Variants in CRABP1 observed in about 807,000 individuals in gnomAD.
CRABP1 encodes cellular retinoic acid binding protein 1, also known as cellular retinoic acid-binding protein 1.
In CRABP1, 9 loss-of-function variants were observed where a neutral mutation model predicts 16.4. The ratio of observed to expected loss-of-function variants is 0.55; its 90% CI spans 0.33 to 0.96. CRABP1 has a LOEUF of 0.96. Ranked by LOEUF, CRABP1 falls within the 40% of genes least tolerant of loss-of-function variation. CRABP1 has a pLI of 0.03. For missense variants in CRABP1, 157 were observed against 186.0 expected (o/e 0.84, Z 0.91); for synonymous variants, 72 against 70.4 (o/e 1.02, Z -0.11).
intron 3 of CRABP1, among the ~76,000 whole-genome samples, chr15:78,344,456 T>TA (rs11364387): frequency 6.1e-5 from 9 of 148,320 alleles, no homozygotes; most frequent in African/African-American, 1.2e-4. Flanking sequence ...ACTCTGTCTC[T>TA]AAAAAAAAAA....
chr15:78,340,495 C>T lies in CRABP1; in HGVS notation c.67C>T (p.Leu23=), dbSNP rs770944935. ...SENFDELLKA[L]GVNAMLRKVA... is the part of the protein sequence containing the mutation. ...GAATTTCGACGAGCTGCTCAAGGCA[C>T]TGGGTAAGCTGGTGCAGAGGGCGCG... is the stretch of plus-strand genomic sequence containing the variant. Residue 23 remains leucine (L), a synonymous_variant, in exon 1 of 4, where the codon CTG becomes TTG. Coordinates refer to ENST00000299529, the MANE Select transcript of CRABP1 (RefSeq NM_004378.3). 7.5e-6 allele frequency: 12 copies of T among 1,606,990 alleles called. No individual in the cohort carries two copies. The African/African-American group carries it at 1.6e-4, about 22-fold the overall frequency.
intron 3 of CRABP1, among the ~76,000 whole-genome samples, chr15:78,345,541 C>G (rs1319483043): frequency 6.6e-6 from 1 of 152,114 alleles, no homozygotes; most frequent in East Asian, 1.9e-4. Flanking sequence ...TAGAATGTAG[C>G]TGAGGGTTCA....
rs550221322 is a variant in CRABP1 at position 78,342,000 on chromosome 15, A to AT, written c.249+791dup. On this transcript the variant is annotated intron_variant, in intron 2 of 3. Transcript: ENST00000299529. The surrounding 1 kb of genome is among the most constrained non-coding windows in gnomAD (Gnocchi z 5.3). ...CAGAATGTCTCCCTCCCCTTCTCCA[A>AT]TTTTTTTTTTTTAAAGAAAAAAGTC... Among the ~76,000 whole-genome samples the AT allele has an allele frequency of 6.9e-3, 1,020 of 146,924 alleles. 4 individuals carry two copies. The highest frequency in any genetic ancestry group is 0.014 in the Middle Eastern group (4 of 288).
chr15:78,345,403 G>A (rs2050259653), intron 3 of CRABP1, among the ~76,000 whole-genome samples: 1 of 152,102 alleles, frequency 6.6e-6, no homozygotes, highest in Non-Finnish European at 1.5e-5. Context: ...GGTTAATATT[G>A]TTTCCAGGGA....
intron 3 of CRABP1, among the ~76,000 whole-genome samples, chr15:78,345,479 G>A (rs78881974): frequency 0.015 from 2,261 of 152,244 alleles, 57 homozygotes; most frequent in African/African-American, 0.052. Context: ...GAGAAAAGGC[G>A]TATATGGTTT....
chr15:78,345,773 T>G (rs2050261882), intron 3 of CRABP1, among the ~76,000 whole-genome samples: 1 of 152,192 alleles, frequency 6.6e-6, no homozygotes, highest in South Asian at 2.1e-4. Flanking sequence ...GGATCTGAAA[T>G]GTGGGCTTTT....
chr15:78,345,429 G>A (rs1335556801), intron 3 of CRABP1, among the ~76,000 whole-genome samples: 1 of 152,160 alleles, frequency 6.6e-6, no homozygotes, highest in Non-Finnish European at 1.5e-5. Flanking sequence ...TACTTGCTGG[G>A]CTTGGGGGAG....
Position 78,348,141 on chromosome 15 carries a change from C to A in CRABP1, c.*164C>A. 1.5e-6 allele frequency: 1 copy of A among 646,668 alleles called. No homozygotes were observed. Among genetic ancestry groups the A allele is most frequent in the Non-Finnish European group, 2.7e-6 (1 of 372,954 alleles). The allele number at this position is 646,668 out of a possible 1,614,324, so 40.1% of individuals were successfully genotyped here. On this transcript the variant is annotated 3_prime_UTR_variant, in exon 4 of 4. Coordinates refer to ENST00000299529, the MANE Select transcript of CRABP1 (RefSeq NM_004378.3). ...GTGTCCCCCACCCCCACCCCCCAGG[C>A]CTTGGTGCCTCTTGTATCCCTAGTG...
intron 3 of CRABP1, 43 bp downstream of exon 3, chr15:78,343,655 G>A: frequency 6.4e-7 from 1 of 1,551,590 alleles, no homozygotes; most frequent in Non-Finnish European, 8.9e-7. Flanking sequence ...AGTTCCCCCA[G>A]AGGGGGCCCC....
chr15:78,346,465 G>A (rs1176250674), intron 3 of CRABP1, among the ~76,000 whole-genome samples: 2 of 152,206 alleles, frequency 1.3e-5, no homozygotes, highest in East Asian at 1.9e-4. Context: ...TCAGGAGTTC[G>A]AGACCAGCCT....
chr15:78,345,806 A>G lies in CRABP1; in HGVS notation c.364-2121A>G, dbSNP rs575906676. 2.5e-3 allele frequency among the ~76,000 whole-genome samples: 382 copies of G among 152,346 alleles called. 1 individual carries two copies. Among genetic ancestry groups the G allele is most frequent in the Non-Finnish European group, 3.8e-3 (258 of 68,032 alleles). ...TTTGTTTCAAGGGTTATTATCATTAATAAATCTAAAACGCAGAGAGATGCA... is the reference window on the plus strand; with the variant it reads ...TTTGTTTCAAGGGTTATTATCATTAGTAAATCTAAAACGCAGAGAGATGCA... On this transcript the variant is annotated intron_variant, in intron 3 of 3. Coordinates refer to ENST00000299529, the MANE Select transcript of CRABP1 (RefSeq NM_004378.3).
At position 78,343,570 on chromosome 15, in the gene CRABP1, A is replaced by C; in HGVS notation, c.321A>C (p.Lys107Asn). The change falls in exon 3 of 4, where the codon AAA becomes AAC. Residue 107 changes from lysine to asparagine, a missense_variant. Transcript: ENST00000299529. ...CTCTTCTTGAAGGGGACGGCCCCAA[A>C]ACCTACTGGACCCGTGAGCTGGCCA... is the stretch of plus-strand genomic sequence containing the variant. ...TQTLLEGDGP[K>N]TYWTRELAND... 6.2e-7 allele frequency: 1 copy of C among 1,614,182 alleles called. No individual in the cohort carries two copies. Among genetic ancestry groups the C allele is most frequent in the Non-Finnish European group, 8.5e-7 (1 of 1,180,030 alleles).
In CRABP1 at chr15:78,340,542, C is replaced by G. The variant is rs753446807; in HGVS notation, c.70+44C>G. On this transcript the variant is annotated intron_variant, in intron 1 of 3. Transcript: ENST00000299529. ...CGCGCCCCGACGGGGAGATGCGGCC[C>G]GGAGGTGCCCTGGTCCCGGAAGTGC... The G allele has an allele frequency of 6.9e-6, 11 of 1,585,398 alleles. No homozygotes were observed. In the Admixed American group the frequency reaches 8.7e-5, roughly 13 times the overall value.
chr15:78,342,799 T>G (rs1468031559), intron 2 of CRABP1, among the ~76,000 whole-genome samples: 1 of 152,196 alleles, frequency 6.6e-6, no homozygotes, highest in African/African-American at 2.4e-5. Context: ...GTGCTCCTGA[T>G]AGGCTGATGA....
intron 1 of CRABP1, 124 bp downstream of exon 1, chr15:78,340,622 G>GTCCCCGCTCGGTGCCCATGGCCCACT: frequency 9.1e-7 from 1 of 1,103,000 alleles, no homozygotes; most frequent in Non-Finnish European, 1.3e-6. Flanking sequence ...GAGTCCCCGG[G>GTCCCCGCTCGGTGCCCATGGCCCACT]GCAATAGATC....
intron 3 of CRABP1, 91 bp from the exon 4 acceptor site, chr15:78,347,835 CA>C (rs2050274929): frequency 8.6e-7 from 1 of 1,165,580 alleles, no homozygotes. Context: ...GAGTTTTTAA[CA>C]GGGCAATAAG....
chr15:78,342,521 C>G (rs181587437), intron 2 of CRABP1, among the ~76,000 whole-genome samples: 2 of 152,322 alleles, frequency 1.3e-5, no homozygotes, highest in Non-Finnish European at 1.5e-5. Context: ...GCCCACCCCC[C>G]AGCCCAGCTG....
rs578042143 is a variant in CRABP1, at chr15:78,341,145, C to A, written c.173C>A (p.Thr58Lys). The change falls in exon 2 of 4, where the codon ACG (threonine) becomes AAG (lysine). Residue 58 changes from threonine to lysine, a missense_variant. Physicochemically the swap from Thr to Lys is moderately conservative, Grantham distance 78 (BLOSUM62 -1). Coordinates refer to ENST00000299529, the MANE Select transcript of CRABP1 (RefSeq NM_004378.3). The surrounding 1 kb of genome is among the most constrained non-coding windows in gnomAD (Gnocchi z 5.3). ...CAGTTCTACATCAAGACATCCACCA[C>A]GGTGCGCACCACTGAGATCAACTTC... ...GDQFYIKTST[T>K]VRTTEINFKV... 2.5e-6 allele frequency: 4 copies of A among 1,612,898 alleles called. No homozygotes were observed. The Admixed American group carries it at 6.7e-5, about 27-fold the overall frequency.
chr15:78,345,680 G>C (rs1229252831), intron 3 of CRABP1, among the ~76,000 whole-genome samples: 3 of 152,104 alleles, frequency 2.0e-5, no homozygotes, highest in Admixed American at 1.3e-4. Flanking sequence ...CCCAACTTCA[G>C]TTCTATCCCT....
Sources: gnomAD v4.1 joint callset for allele counts (sites outside exome capture counted in the v4.1 genomes callset) on GRCh38, gnomAD v4.1.1 for gene constraint, Gnocchi (gnomAD v3.1) non-coding constraint, MANE v1.5 for transcripts, NCBI Gene and HGNC (gene_info 2026-07-23, HGNC 2026-07-21) for gene names.